The following RBFOX1 variants were observed in gnomAD, a reference collection of about 807,000 sequenced individuals.
RBFOX1 encodes RNA binding protein fox-1 homolog 1.
A neutral mutation model predicts 57.7 loss-of-function variants in RBFOX1; 8 were observed. The observed-to-expected ratio is 0.14, with a 90% CI of 0.08 to 0.25. The LOEUF (loss-of-function observed/expected upper bound fraction) is 0.25, where lower values mean the gene tolerates loss of function less well. Ranked by LOEUF, RBFOX1 falls within the 10% of genes least tolerant of loss-of-function variation. The probability of loss-of-function intolerance (pLI) is 1.00; values close to 1 mark genes in which losing one functional copy is unlikely to be tolerated. For missense variants in RBFOX1, 611 were observed against 548.5 expected (o/e 1.11, Z -1.14); for synonymous variants, 326 against 222.4 (o/e 1.47, Z -4.15).
chr16:5,293,748 G>T (rs543074196), intron 1 of RBFOX1, among the ~76,000 whole-genome samples: 13 of 151,938 alleles, frequency 8.6e-5, no homozygotes, highest in Non-Finnish European at 1.6e-4. Context: ...CCAGGTGCTG[G>T]GGGAAAGGGG....
At chr16:5,598,887 T>A (rs913458792) in intron 2 of RBFOX1, 30 of 1,491,966 alleles carry the variant, frequency 2.0e-5, no homozygotes, top group Non-Finnish European at 2.7e-5. Flanking sequence ...TCTCTATTTG[T>A]TTGTTTTTTG....
At chr16:7,332,922 A>G in intron 4 of RBFOX1, 5 of 1,600,578 alleles carry the variant, frequency 3.1e-6, no homozygotes, top group Non-Finnish European at 4.3e-6. Context: ...GTAGTTCGGA[A>G]GAAGTTGGGT....
chr16:7,529,275 C>G (rs537973865), intron 5 of RBFOX1, among the ~76,000 whole-genome samples: 5 of 152,212 alleles, frequency 3.3e-5, no homozygotes, highest in South Asian at 4.2e-4. Context: ...ACAACAACAA[C>G]AAGAAGAAAA....
intron 4 of RBFOX1, among the ~76,000 whole-genome samples, chr16:7,430,869 T>C (rs2149581136): frequency 6.6e-6 from 1 of 152,298 alleles, no homozygotes; most frequent in East Asian, 1.9e-4. Flanking sequence ...TTATCATGAA[T>C]ATTAAATAAC....
At chr16:6,538,348 T>C (rs943842138) in intron 2 of RBFOX1, among the ~76,000 whole-genome samples, 4 of 152,064 alleles carry the variant, frequency 2.6e-5, no homozygotes, top group Admixed American at 2.0e-4. Context: ...ATAAATTAGC[T>C]GAGTGTGGTG....
chr16:7,653,972 GGC>G (rs1031869793), intron 12 of RBFOX1, 25 bp downstream of exon 12: 1 of 1,474,578 alleles, frequency 6.8e-7, no homozygotes, highest in African/African-American at 1.4e-5. Flanking sequence ...CTCCTGGGTG[GGC>G]CTCCCTGCAC....
At chr16:7,596,139 AAAAAAAAAC>A (rs2094685893) in intron 8 of RBFOX1, among the ~76,000 whole-genome samples, 2 of 46,260 alleles carry the variant, frequency 4.3e-5, no homozygotes, top group Non-Finnish European at 6.4e-5. Context: ...AAAAAAACAA[AAAAAAAAAC>A]GAGAGGTTTT....
intron 3 of RBFOX1, chr16:6,774,127 C>T (rs74441617): frequency 0.013 from 6,630 of 520,234 alleles, 408 homozygotes; most frequent in African/African-American, 0.13. Context: ...ACCAAGTTAT[C>T]GGAACAAAGA....
intron 2 of RBFOX1, among the ~76,000 whole-genome samples, chr16:6,553,261 C>T (rs1375972479): frequency 6.6e-6 from 1 of 152,150 alleles, no homozygotes; most frequent in Non-Finnish European, 1.5e-5. Context: ...TCAATAGTTT[C>T]CATGAAGTTG....
chr16:7,193,786 A>T (rs1389373094), intron 4 of RBFOX1, among the ~76,000 whole-genome samples: 3 of 152,230 alleles, frequency 2.0e-5, no homozygotes, highest in Non-Finnish European at 4.4e-5. Flanking sequence ...AGACTCTAGC[A>T]CAACAGGTCC....
chr16:6,176,039 G>A, intron 1 of RBFOX1, among the ~76,000 whole-genome samples: 1 of 152,082 alleles, frequency 6.6e-6, no homozygotes, highest in Non-Finnish European at 1.5e-5. Flanking sequence ...GAGGCTAATG[G>A]ACCACCAGGC....
intron 3 of RBFOX1, among the ~76,000 whole-genome samples, chr16:5,805,719 A>G (rs1317941449): frequency 6.6e-6 from 1 of 152,212 alleles, no homozygotes; most frequent in African/African-American, 2.4e-5. Flanking sequence ...GCCTGACATG[A>G]ATGTGGCTTT....
intron 4 of RBFOX1, among the ~76,000 whole-genome samples, chr16:7,198,368 G>C (rs1436425489): frequency 6.6e-6 from 1 of 152,188 alleles, no homozygotes; most frequent in Non-Finnish European, 1.5e-5. Context: ...GAGGGTGGTA[G>C]TTGTGCAACA....
At chr16:7,462,324 A>G (rs945341596) in intron 4 of RBFOX1, among the ~76,000 whole-genome samples, 3 of 152,180 alleles carry the variant, frequency 2.0e-5, no homozygotes, top group Non-Finnish European at 2.9e-5. Flanking sequence ...GTGAAACCTC[A>G]TCTCTACTAA....
chr16:6,522,817 C>A (rs1429813919), intron 2 of RBFOX1, among the ~76,000 whole-genome samples: 1 of 152,158 alleles, frequency 6.6e-6, no homozygotes, highest in African/African-American at 2.4e-5. Context: ...CCTTGACCTG[C>A]AGGTTTTGTG....
intron 4 of RBFOX1, among the ~76,000 whole-genome samples, chr16:7,402,911 T>C (rs2098269115): frequency 6.6e-6 from 1 of 152,144 alleles, no homozygotes; most frequent in African/African-American, 2.4e-5. Context: ...CTGTGGTCTA[T>C]AGATGTAGGA....
intron 1 of RBFOX1, among the ~76,000 whole-genome samples, chr16:6,300,802 A>G (rs571652171): frequency 6.6e-6 from 1 of 152,212 alleles, no homozygotes; most frequent in African/African-American, 2.4e-5. Flanking sequence ...ACCACCTCCC[A>G]AGTCAGGATA....
At chr16:5,508,803 G>A (rs1597347541) in intron 2 of RBFOX1, among the ~76,000 whole-genome samples, 1 of 152,220 alleles carries the variant, frequency 6.6e-6, no homozygotes, top group Admixed American at 6.5e-5. Flanking sequence ...CAGTCAGGTT[G>A]GCAGAAGTCG....
chr16:6,928,316 C>T (rs6500879), intron 3 of RBFOX1, among the ~76,000 whole-genome samples: 3 of 152,002 alleles, frequency 2.0e-5, no homozygotes, highest in African/African-American at 4.8e-5. Flanking sequence ...GGGACAAAGG[C>T]GATCTGGAGG....
Sources: allele counts gnomAD v4.1 joint callset (sites outside exome capture counted in the v4.1 genomes callset), GRCh38; gene constraint gnomAD v4.1.1; transcripts MANE v1.5; gene names NCBI Gene and HGNC (gene_info 2026-07-23, HGNC 2026-07-21).